Variants in GMDS observed in about 807,000 individuals in gnomAD.
GMDS encodes GDP-mannose 4,6-dehydratase.
In GMDS, 20 loss-of-function variants were observed where a neutral mutation model predicts 49.9. The ratio of observed to expected loss-of-function variants is 0.40; its 90% confidence interval spans 0.28 to 0.58. The LOEUF (loss-of-function observed/expected upper bound fraction) is 0.58, where lower values mean the gene tolerates loss of function less well. Ranked by LOEUF, GMDS falls within the 20% of genes least tolerant of loss-of-function variation. The pLI is 0.42. For missense variants in GMDS, 362 were observed against 481.4 expected, an observed-to-expected ratio of 0.75 and a Z score of 2.32; for synonymous variants, 177 against 178.6, an observed-to-expected ratio of 0.99 and a Z score of 0.07.
At chr6:2,003,521 G>A (rs1766963473) in intron 4 of GMDS, among the ~76,000 whole-genome samples, 1 of 152,082 alleles carries the variant, frequency 6.6e-6, no homozygotes, top group Admixed American at 6.6e-5. Context: ...AAAAATTAAA[G>A]CAGAAATGTC....
At chr6:2,188,013 T>C (rs2127566537) in intron 1 of GMDS, among the ~76,000 whole-genome samples, 1 of 152,328 alleles carries the variant, frequency 6.6e-6, no homozygotes, top group African/African-American at 2.4e-5. Flanking sequence ...CTTAGGATGG[T>C]AATGATTAGC....
chr6:1,991,726 C>T (rs747773662), intron 4 of GMDS, among the ~76,000 whole-genome samples: 1 of 152,164 alleles, frequency 6.6e-6, no homozygotes, highest in Non-Finnish European at 1.5e-5. Context: ...AGTGTCCCCC[C>T]AGAAAAGACA....
intron 9 of GMDS, among the ~76,000 whole-genome samples, chr6:1,720,812 G>A (rs1453171090): frequency 6.6e-6 from 1 of 152,164 alleles, no homozygotes; most frequent in Admixed American, 6.5e-5. Flanking sequence ...GTCAGAAGGA[G>A]CAGGAGCGGG....
At chr6:1,740,343 G>T (rs1767219471) in intron 8 of GMDS, among the ~76,000 whole-genome samples, 1 of 152,098 alleles carries the variant, frequency 6.6e-6, no homozygotes, top group Non-Finnish European at 1.5e-5. Flanking sequence ...GATCACTTGA[G>T]GTCAGGAGTT....
chr6:1,975,504 G>T (rs1256355035), intron 4 of GMDS, among the ~76,000 whole-genome samples: 4 of 152,132 alleles, frequency 2.6e-5, no homozygotes. Context: ...AAACATACAA[G>T]CTGAAAAAGC....
intron 1 of GMDS, among the ~76,000 whole-genome samples, chr6:2,182,190 C>A (rs548620999): frequency 6.6e-6 from 1 of 152,320 alleles, no homozygotes; most frequent in South Asian, 2.1e-4. Context: ...CTCTTCAATT[C>A]TATTATATGA....
chr6:1,747,672 A>C (rs1053614539), intron 7 of GMDS, among the ~76,000 whole-genome samples: 4 of 152,244 alleles, frequency 2.6e-5, no homozygotes, highest in Non-Finnish European at 5.9e-5. Context: ...AGCTGTTTTC[A>C]TGATGGCAGC....
chr6:1,897,477 G>A (rs1475900354), intron 7 of GMDS, among the ~76,000 whole-genome samples: 1 of 152,128 alleles, frequency 6.6e-6, no homozygotes, highest in East Asian at 1.9e-4. Flanking sequence ...GCTTAATGTG[G>A]GGTTGAGAGC....
rs115222002 is a variant in GMDS, at chr6:1,863,492, G to A, written c.771+66611C>T. 6.5e-3 allele frequency among the ~76,000 whole-genome samples: 991 copies of A among 152,148 alleles called. 9 individuals are homozygous for A. The highest frequency in any genetic ancestry group is 0.023 in the African/African-American group (947 of 41,498). On this transcript the variant is annotated intron_variant, in intron 7 of 10. Coordinates refer to ENST00000380815, the MANE Select transcript of GMDS (RefSeq NM_001500.4). ...ACACAGAAAAATATTGTGTGTGTGC[G>A]TGCATGTGTGTGTGTGTTCCAATAT...
At chr6:1,826,895 T>C (rs1561830454) in intron 7 of GMDS, among the ~76,000 whole-genome samples, 1 of 151,804 alleles carries the variant, frequency 6.6e-6, no homozygotes, top group Admixed American at 6.6e-5. Context: ...AGTGACACTC[T>C]CTAAAAAAAA....
At chr6:1,872,960 C>A (rs769039253) in intron 7 of GMDS, among the ~76,000 whole-genome samples, 14 of 152,320 alleles carry the variant, frequency 9.2e-5, no homozygotes, top group South Asian at 6.2e-4. Context: ...TTTTCTAGAG[C>A]AACAAGTGGC....
At chr6:2,046,578 G>A (rs535056553) in intron 4 of GMDS, among the ~76,000 whole-genome samples, 22 of 152,190 alleles carry the variant, frequency 1.4e-4, no homozygotes, top group Middle Eastern at 3.4e-3. Flanking sequence ...TCCCACCTCA[G>A]CCTCCAGAGT....
intron 1 of GMDS, among the ~76,000 whole-genome samples, chr6:2,243,148 T>TG (rs1277339131): frequency 2.0e-5 from 3 of 152,158 alleles, no homozygotes; most frequent in Non-Finnish European, 4.4e-5. Context: ...CAACCCAACC[T>TG]GAAAGCCATG....
intron 9 of GMDS, among the ~76,000 whole-genome samples, chr6:1,680,585 G>A (rs756354166): frequency 1.5e-4 from 23 of 152,266 alleles, no homozygotes; most frequent in East Asian, 1.9e-4. Flanking sequence ...TCCCTTGGGC[G>A]CCCGGCCAGG....
intron 4 of GMDS, among the ~76,000 whole-genome samples, chr6:2,009,673 T>C (rs1219224030): frequency 1.3e-5 from 2 of 151,926 alleles, no homozygotes; most frequent in East Asian, 1.9e-4. Flanking sequence ...ACCCAAAACA[T>C]CAGGAACAAA....
chr6:1,949,903 T>C (rs567881875), intron 6 of GMDS, among the ~76,000 whole-genome samples: 4 of 152,316 alleles, frequency 2.6e-5, no homozygotes, highest in African/African-American at 9.6e-5. Context: ...TTGCAATAAA[T>C]TAAGTCTCTG....
chr6:1,810,164 T>C (rs943574726), intron 7 of GMDS, among the ~76,000 whole-genome samples: 1 of 152,094 alleles, frequency 6.6e-6, no homozygotes, highest in Non-Finnish European at 1.5e-5. Context: ...GCTGGCTAAC[T>C]GCGTATGTCA....
At chr6:1,724,540 G>A (rs991409951) in intron 9 of GMDS, among the ~76,000 whole-genome samples, 1 of 152,180 alleles carries the variant, frequency 6.6e-6, no homozygotes, top group Non-Finnish European at 1.5e-5. Flanking sequence ...GTCAGAGAGG[G>A]AAAGAGCCAC....
At chr6:1,694,274 G>A (rs899652493) in intron 9 of GMDS, among the ~76,000 whole-genome samples, 8 of 152,166 alleles carry the variant, frequency 5.3e-5, no homozygotes, top group African/African-American at 1.2e-4. Context: ...TTTAGATGCC[G>A]TTAATTTTAG....
Sources: gnomAD v4.1 joint callset for allele counts (sites outside exome capture counted in the v4.1 genomes callset) on GRCh38, gnomAD v4.1.1 for gene constraint, MANE v1.5 for transcripts, NCBI Gene and HGNC (gene_info 2026-07-23, HGNC 2026-07-21) for gene names.